The following ADCY8 variants were observed in gnomAD, a reference collection of about 807,000 sequenced individuals.
The protein encoded by ADCY8 is adenylate cyclase 8, also known as adenylate cyclase type 8.
Under a neutral mutation model 119.7 loss-of-function variants are expected in ADCY8, and 51 were observed. That is an observed-to-expected ratio of 0.43 (90% CI 0.34 to 0.54). ADCY8 has a LOEUF of 0.54. Among genes scored for constraint, ADCY8 ranks in the 20% least tolerant of loss-of-function variants. The pLI is 0.03. For missense variants in ADCY8, 1,383 were observed against 1,598.8 expected (o/e 0.87, Z 2.30); for synonymous variants, 665 against 651.0 (o/e 1.02, Z -0.33).
intron 2 of ADCY8, among the ~76,000 whole-genome samples, chr8:130,986,836 A>G (rs1345781706): frequency 6.6e-6 from 1 of 152,220 alleles, no homozygotes; most frequent in Non-Finnish European, 1.5e-5. Flanking sequence ...CAGGAAATAT[A>G]TATCTGTTAT....
At chr8:130,931,939 T>A (rs916330156) in intron 5 of ADCY8, among the ~76,000 whole-genome samples, 1 of 152,220 alleles carries the variant, frequency 6.6e-6, no homozygotes, top group Admixed American at 6.5e-5. Flanking sequence ...CACATCTTCA[T>A]TTCTTTAGGT....
intron 14 of ADCY8, among the ~76,000 whole-genome samples, chr8:130,808,458 G>A (rs983528730): frequency 3.3e-5 from 5 of 152,150 alleles, no homozygotes; most frequent in East Asian, 1.9e-4. Flanking sequence ...GCTTGATAAC[G>A]CATGTAAATG....
At chr8:130,908,291 C>T (rs1428688121) in intron 6 of ADCY8, among the ~76,000 whole-genome samples, 4 of 152,144 alleles carry the variant, frequency 2.6e-5, no homozygotes, top group East Asian at 3.8e-4. Context: ...AAGATACAGG[C>T]CTGGAAACAC....
intron 1 of ADCY8, among the ~76,000 whole-genome samples, chr8:131,002,043 C>CTGT (rs1822967082): frequency 1.3e-5 from 2 of 152,146 alleles, no homozygotes; most frequent in Non-Finnish European, 2.9e-5. Context: ...ACGCATAGAG[C>CTGT]TTAACAGTTT....
At chr8:131,030,581 A>G (rs1823966825) in intron 1 of ADCY8, among the ~76,000 whole-genome samples, 1 of 152,016 alleles carries the variant, frequency 6.6e-6, no homozygotes, top group African/African-American at 2.4e-5. Context: ...TCAGGTGTGA[A>G]CCTCCAGCCA....
intron 12 of ADCY8, among the ~76,000 whole-genome samples, chr8:130,821,777 T>C (rs542504349): frequency 6.6e-5 from 10 of 152,326 alleles, no homozygotes; most frequent in South Asian, 4.1e-4. Context: ...TCTAGCTTTA[T>C]GCTAAAAAAA....
At chr8:130,876,134 T>C (rs1289408605) in intron 8 of ADCY8, among the ~76,000 whole-genome samples, 2 of 152,066 alleles carry the variant, frequency 1.3e-5, no homozygotes, top group South Asian at 2.1e-4. Context: ...CACTGCAACC[T>C]CTGCCTCCCA....
chr8:130,870,199 A>G (rs968791869), intron 8 of ADCY8, among the ~76,000 whole-genome samples: 4 of 151,672 alleles, frequency 2.6e-5, no homozygotes, highest in African/African-American at 9.7e-5. Flanking sequence ...TTTTTAGTAG[A>G]GATGGGGTTT....
intron 14 of ADCY8, among the ~76,000 whole-genome samples, chr8:130,807,648 C>T (rs948765787): frequency 6.6e-6 from 1 of 152,162 alleles, no homozygotes; most frequent in Non-Finnish European, 1.5e-5. Context: ...TTGGACTTTC[C>T]ATTCTCCAGA....
chr8:131,026,903 T>C (rs1374168100), intron 1 of ADCY8, among the ~76,000 whole-genome samples: 3 of 152,208 alleles, frequency 2.0e-5, no homozygotes, highest in Non-Finnish European at 4.4e-5. Context: ...TTATTATTAT[T>C]CCCATTTTAC....
intron 1 of ADCY8, among the ~76,000 whole-genome samples, chr8:130,994,993 G>C (rs1822726717): frequency 6.6e-6 from 1 of 152,170 alleles, no homozygotes; most frequent in Non-Finnish European, 1.5e-5. Flanking sequence ...CTCCCATTAT[G>C]ATTTTAATGT....
intron 12 of ADCY8, among the ~76,000 whole-genome samples, chr8:130,829,531 G>A (rs1276274572): frequency 7.0e-6 from 1 of 143,164 alleles, no homozygotes; most frequent in Non-Finnish European, 1.6e-5. Context: ...GACAATAGTT[G>A]GTTGTTTAAA....
intron 1 of ADCY8, among the ~76,000 whole-genome samples, chr8:131,010,438 AT>A (rs1823263968): frequency 1.3e-5 from 2 of 152,332 alleles, no homozygotes; most frequent in Non-Finnish European, 2.9e-5. Context: ...ACAAAGTAAC[AT>A]ATTATAATGC....
intron 5 of ADCY8, among the ~76,000 whole-genome samples, chr8:130,934,499 T>C (rs1820727695): frequency 1.3e-5 from 2 of 152,126 alleles, no homozygotes; most frequent in African/African-American, 4.8e-5. Context: ...AGGCCCCTCC[T>C]CCAACACTGA....
At chr8:130,977,446 C>T (rs1822106802) in intron 2 of ADCY8, among the ~76,000 whole-genome samples, 1 of 152,134 alleles carries the variant, frequency 6.6e-6, no homozygotes, top group African/African-American at 2.4e-5. Flanking sequence ...ATACTCCAAA[C>T]ATCTCTATTG....
intron 5 of ADCY8, among the ~76,000 whole-genome samples, chr8:130,936,319 A>G (rs2130622487): frequency 6.6e-6 from 1 of 152,288 alleles, no homozygotes; most frequent in East Asian, 1.9e-4. Flanking sequence ...AGATATGCTG[A>G]ATAAAACCAA....
At chr8:131,018,523 A>G (rs1212614974) in intron 1 of ADCY8, among the ~76,000 whole-genome samples, 1 of 152,164 alleles carries the variant, frequency 6.6e-6, no homozygotes, top group African/African-American at 2.4e-5. Context: ...TGGAGATGTG[A>G]CAGTAAATTA....
At chr8:130,866,820 T>A (rs1209990523) in intron 9 of ADCY8, among the ~76,000 whole-genome samples, 1 of 152,142 alleles carries the variant, frequency 6.6e-6, no homozygotes, top group Non-Finnish European at 1.5e-5. Flanking sequence ...GCCTCACTCA[T>A]CAGTTATTTT....
chr8:130,967,071 T>A (rs1821784119), intron 2 of ADCY8, among the ~76,000 whole-genome samples: 1 of 152,184 alleles, frequency 6.6e-6, no homozygotes. Context: ...TGAAAAAAAA[T>A]TAAAAATTTT....
Sources: allele counts gnomAD v4.1 joint callset (sites outside exome capture counted in the v4.1 genomes callset), GRCh38; gene constraint gnomAD v4.1.1; transcripts MANE v1.5; gene names NCBI Gene and HGNC (gene_info 2026-07-23, HGNC 2026-07-21).